BRWD1: variants seen among roughly 807,000 people sequenced by gnomAD.
BRWD1 encodes the protein bromodomain and WD repeat-containing protein 1.
In BRWD1, 82 loss-of-function variants were observed where a neutral mutation model predicts 251.2. That is an observed-to-expected ratio of 0.33 (90% CI 0.27 to 0.39). The LOEUF is 0.39. Among genes scored for constraint, BRWD1 ranks in the 10% least tolerant of loss-of-function variants. The pLI, the probability that BRWD1 is intolerant of heterozygous loss-of-function variation, is 1.00. For synonymous variants in BRWD1, 918 were observed against 902.8 expected (o/e 1.02, Z -0.30); for missense variants, 2,233 against 2,711.6 (o/e 0.82, Z 3.92).
At chr21:39,282,490 G>A (rs963074524) in intron 8 of BRWD1, among the ~76,000 whole-genome samples, 2 of 151,754 alleles carry the variant, frequency 1.3e-5, no homozygotes, top group Non-Finnish European at 2.9e-5. Flanking sequence ...ATTAGTAGTT[G>A]GATATTTTTG....
At chr21:39,230,315 A>G (rs1257717866) in intron 25 of BRWD1, among the ~76,000 whole-genome samples, 1 of 152,204 alleles carries the variant, frequency 6.6e-6, no homozygotes, top group African/African-American at 2.4e-5. Context: ...GATACTAGGA[A>G]TACAACAGAT....
chr21:39,210,955 A>G (rs1205312886), intron 34 of BRWD1, 26 bp from the exon 35 acceptor site: 2 of 1,602,976 alleles, frequency 1.2e-6, no homozygotes, highest in African/African-American at 2.7e-5. Flanking sequence ...CAGTCTTAAG[A>G]AAAATCACAC....
chr21:39,292,232 C>T (rs2035837955), intron 8 of BRWD1, among the ~76,000 whole-genome samples: 1 of 151,384 alleles, frequency 6.6e-6, no homozygotes, highest in Admixed American at 6.6e-5. Context: ...GGATTATAGG[C>T]ATGAGCCATC....
chr21:39,270,236 A>T (rs201035357), intron 14 of BRWD1, 47 bp downstream of exon 14: 3 of 1,476,828 alleles, frequency 2.0e-6, no homozygotes. Context: ...AATTACAATC[A>T]TATTTCAAAA....
Position 39,189,474 on chromosome 21 carries a change from A to G in BRWD1, c.*6785T>C, listed in dbSNP as rs868220262. 1.1e-5 allele frequency: 11 copies of G among 973,854 alleles called. No homozygotes were observed. The highest frequency in any genetic ancestry group is 1.0e-3 in the Middle Eastern group (2 of 1,908). 60.3% of individuals were successfully genotyped at this position (973,854 alleles called of 1,614,324 possible). On this transcript the variant is annotated 3_prime_UTR_variant, in exon 41 of 41. Coordinates refer to ENST00000342449, the MANE Select transcript of BRWD1 (RefSeq NM_033656.4). ...CATCCAGAATAATGGAAAAGTTAAG[A>G]TTCTGCAGGAAAAAAAAAACTAAAA...
chr21:39,264,641 A>C lies in BRWD1; in HGVS notation c.1704T>G (p.Ile568Met). The C allele has an allele frequency of 1.9e-6, 3 of 1,612,722 alleles. No individual in the cohort carries two copies. The highest frequency in any genetic ancestry group is 2.5e-6 in the Non-Finnish European group (3 of 1,179,508). The change falls in exon 17 of 41, where the codon ATT (isoleucine) becomes ATG (methionine). Residue 568 changes from isoleucine to methionine, a missense_variant. Physicochemically the swap from Ile to Met is conservative, Grantham distance 10. Coordinates refer to ENST00000342449, the MANE Select transcript of BRWD1 (RefSeq NM_033656.4). ...MFFHTDYRPL[I>M]RDSNNYVLDE... The stretch of plus-strand genomic sequence containing the variant: ...CTAAGACATAATTATTAGAATCTCT[A>C]ATAAGTGGTCGATAGTCAGTATGGA...
intron 5 of BRWD1, chr21:39,296,920 C>T: frequency 4.1e-6 from 4 of 984,740 alleles, no homozygotes; most frequent in Non-Finnish European, 4.8e-6. Context: ...AAATTCATGA[C>T]TTGTTCAGTT....
At chr21:39,285,131 C>A (rs943919840) in intron 8 of BRWD1, among the ~76,000 whole-genome samples, 1 of 152,176 alleles carries the variant, frequency 6.6e-6, no homozygotes, top group African/African-American at 2.4e-5. Context: ...TATACACACA[C>A]ACAAAATGGA....
At chr21:39,251,354 T>C (rs915641261) in intron 19 of BRWD1, among the ~76,000 whole-genome samples, 16 of 152,220 alleles carry the variant, frequency 1.1e-4, no homozygotes, top group African/African-American at 3.9e-4. Flanking sequence ...ATTATGTTAT[T>C]GTGACCAATT....
rs373671039 is a variant in BRWD1, at chr21:39,295,398, A to G, written c.609+345T>C. On this transcript the variant is annotated intron_variant, in intron 7 of 40. Transcript: ENST00000342449. Reference sequence around the variant, plus strand: ...GAGATGGGGTTTCACCGTGTTAGCCAGGATGGTCTCGATCTCCTGACCTCG... The same window carrying G: ...GAGATGGGGTTTCACCGTGTTAGCCGGGATGGTCTCGATCTCCTGACCTCG... Among the ~76,000 whole-genome samples the G allele has an allele frequency of 3.6e-4, 54 of 152,084 alleles. No individual in the cohort carries two copies. The East Asian group carries it at 9.9e-3, about 28-fold the overall frequency.
intron 13 of BRWD1, among the ~76,000 whole-genome samples, chr21:39,272,673 T>A (rs1449558206): frequency 6.6e-6 from 1 of 150,886 alleles, no homozygotes; most frequent in African/African-American, 2.4e-5. Context: ...AGTGGCTCCA[T>A]CTAGGCTCAC....
At chr21:39,224,782 T>C (rs1164892957) in intron 28 of BRWD1, among the ~76,000 whole-genome samples, 1 of 152,170 alleles carries the variant, frequency 6.6e-6, no homozygotes, top group African/African-American at 2.4e-5. Flanking sequence ...CAAAGGTTTC[T>C]TTGAAGAAGA....
intron 32 of BRWD1, among the ~76,000 whole-genome samples, chr21:39,213,913 A>T (rs115899347): frequency 0.014 from 2,175 of 150,244 alleles, 40 homozygotes; most frequent in African/African-American, 0.047. Flanking sequence ...AGGTAAAAAA[A>T]ATATATATAT....
upstream of BRWD1, chr21:39,314,282 G>GT: frequency 2.2e-6 from 1 of 455,970 alleles, no homozygotes; most frequent in Non-Finnish European, 4.4e-6. Flanking sequence ...GAAGGCTGCC[G>GT]AGACCCAGCC....
Position 39,312,219 on chromosome 21 carries a change from TTG to T in BRWD1, c.198+620_198+621del, listed in dbSNP as rs1601519985. Among the ~76,000 whole-genome samples the T allele has an allele frequency of 2.6e-5, 4 of 152,316 alleles. No homozygotes were observed. The South Asian group carries it at 6.2e-4, about 24-fold the overall frequency. ...AAAAGTGCCTATTTAAAGCACTTTA[TTG>T]TGTTATCTACAAGATCAGTGTGAAA... On this transcript the variant is annotated intron_variant, in intron 4 of 40. Coordinates refer to ENST00000342449, the MANE Select transcript of BRWD1 (RefSeq NM_033656.4).
intron 37 of BRWD1, among the ~76,000 whole-genome samples, chr21:39,204,635 C>T (rs1290764063): frequency 1.3e-5 from 2 of 152,148 alleles, no homozygotes; most frequent in Admixed American, 6.6e-5. Flanking sequence ...TTATTCTCTA[C>T]ATAGCAGTCC....
At chr21:39,295,692 A>G in intron 7 of BRWD1, 51 bp downstream of exon 7, 2 of 1,349,882 alleles carry the variant, frequency 1.5e-6, no homozygotes, top group Non-Finnish European at 2.0e-6. Context: ...ATTCTGAAGC[A>G]CACTAAAGTA....
intron 21 of BRWD1, among the ~76,000 whole-genome samples, chr21:39,244,763 G>C (rs1286021181): frequency 6.6e-6 from 1 of 151,872 alleles, no homozygotes; most frequent in Admixed American, 6.6e-5. Flanking sequence ...GGTTGGAACA[G>C]AGCTGCATGG....
rs1264827550 is a variant in BRWD1, at chr21:39,210,709, A to G, written c.4044+77T>C. ...ATAAAGCCTGGGTATCTTTCTCTTT[A>G]AAGTTTAATAACTCTACCCCAGTTT... On this transcript the variant is annotated intron_variant, in intron 35 of 40. Transcript: ENST00000342449. 4 of 1,461,846 alleles carry G rather than the reference A, an allele frequency of 2.7e-6. No homozygotes were observed. In the East Asian group the frequency reaches 7.3e-5, roughly 26 times the overall value. The allele number at this position is 1,461,846 out of a possible 1,614,324, so 90.6% of individuals were successfully genotyped here. A position where few individuals can be genotyped will look rare whatever the true frequency, so the allele number is the denominator to read the frequency against.
Sources: gnomAD v4.1 joint callset for allele counts (sites outside exome capture counted in the v4.1 genomes callset) on GRCh38, gnomAD v4.1.1 for gene constraint, MANE v1.5 for transcripts, NCBI Gene and HGNC (gene_info 2026-07-23, HGNC 2026-07-21) for gene names.